The following EPHA6 variants were observed in gnomAD, a reference collection of about 807,000 sequenced individuals.
EPHA6 encodes EPH receptor A6.
A neutral mutation model predicts 112.0 loss-of-function variants in EPHA6; 50 were observed. The observed-to-expected ratio is 0.45, with a 90% confidence interval of 0.36 to 0.56. The LOEUF is 0.56. EPHA6 is among the 20% of genes least tolerant of loss of function. EPHA6 has a pLI of 0.00. For missense variants in EPHA6, 1,280 were observed against 1,417.4 expected (o/e 0.90, Z 1.56); for synonymous variants, 529 against 490.7 (o/e 1.08, Z -1.03).
chr3:96,987,186 C>T lies in EPHA6; in HGVS notation c.451-144C>T. 2 of 679,096 alleles carry T rather than the reference C, an allele frequency of 2.9e-6. 1 individual carries two copies. Among genetic ancestry groups the T allele is most frequent in the South Asian group, 4.3e-5 (2 of 46,638 alleles). 42.1% of individuals were successfully genotyped at this position (679,096 alleles called of 1,614,324 possible). A position where few individuals can be genotyped will look rare whatever the true frequency, so the allele number is the denominator to read the frequency against. On this transcript the variant is annotated intron_variant, in intron 2 of 17. Transcript: ENST00000389672. ...TAACTAAAGGCTCATGGTTAAAATGCTGTTCCATTGATACTTTGAGTAGCT... is the reference window on the plus strand; with the variant it reads ...TAACTAAAGGCTCATGGTTAAAATGTTGTTCCATTGATACTTTGAGTAGCT...
Position 97,493,858 on chromosome 3 carries a change from C to T in EPHA6, c.2200+9799C>T, listed in dbSNP as rs79474761. Reference sequence around the variant, plus strand: ...AACTATCTCGTGGTTACCACGTGTCCAGAGAGTGGTGGAGGCACAGGGAAA... The same window carrying T: ...AACTATCTCGTGGTTACCACGTGTCTAGAGAGTGGTGGAGGCACAGGGAAA... On this transcript the variant is annotated intron_variant, in intron 10 of 17. Coordinates refer to ENST00000389672, the MANE Select transcript of EPHA6 (RefSeq NM_001080448.3). Among the ~76,000 whole-genome samples the T allele has an allele frequency of 2.3e-4, 35 of 152,212 alleles. No individual in the cohort carries two copies. In the East Asian group the frequency reaches 6.6e-3, roughly 29 times the overall value.
At chr3:96,828,169 C>A (rs2033789094) in intron 1 of EPHA6, among the ~76,000 whole-genome samples, 2 of 151,936 alleles carry the variant, frequency 1.3e-5, no homozygotes, top group East Asian at 1.9e-4. Context: ...AAAAAAAGAT[C>A]TCCTAAACAT....
At chr3:97,224,419 C>T (rs942286862) in intron 3 of EPHA6, among the ~76,000 whole-genome samples, 1 of 152,088 alleles carries the variant, frequency 6.6e-6, no homozygotes. Flanking sequence ...ACAGAAAACA[C>T]GTCAGATAAG....
intron 14 of EPHA6, among the ~76,000 whole-genome samples, chr3:97,650,135 A>C (rs190972882): frequency 5.9e-5 from 9 of 152,238 alleles, no homozygotes; most frequent in Admixed American, 2.6e-4. Context: ...CAACACACAT[A>C]ACAAACGGGA....
At position 97,413,950 on chromosome 3, in the gene EPHA6, A is replaced by G. The variant is rs372905030; in HGVS notation, c.1731+8676A>G. On this transcript the variant is annotated intron_variant, in intron 6 of 17. Transcript: ENST00000389672. ...ACCGAGTCATATTCCCTGGAGACAA[A>G]TGCAAGATTTGTTCATTTCAGATGC... Among the ~76,000 whole-genome samples, 8 of 152,062 alleles carry G rather than the reference A, an allele frequency of 5.3e-5. No homozygotes were observed. The East Asian group carries it at 9.7e-4, about 18-fold the overall frequency.
At chr3:97,255,142 GGA>G (rs1474153253) in intron 5 of EPHA6, among the ~76,000 whole-genome samples, 1 of 109,234 alleles carries the variant, frequency 9.2e-6, no homozygotes, top group Non-Finnish European at 1.8e-5. Context: ...GGTACATCTT[GGA>G]TGTGTGTGTG....
At chr3:97,614,261 C>A (rs1049347609) in intron 13 of EPHA6, among the ~76,000 whole-genome samples, 2 of 151,580 alleles carry the variant, frequency 1.3e-5, no homozygotes, top group East Asian at 1.9e-4. Flanking sequence ...TTCAGTTATA[C>A]CAAAATATAA....
intron 2 of EPHA6, among the ~76,000 whole-genome samples, chr3:96,903,265 G>C (rs1227483626): frequency 6.6e-6 from 1 of 152,108 alleles, no homozygotes; most frequent in African/African-American, 2.4e-5. Flanking sequence ...CAGCATGGCT[G>C]GTGCAGAGGG....
chr3:97,405,377 C>A, intron 6 of EPHA6, 103 bp downstream of exon 6: 1 of 1,037,556 alleles, frequency 9.6e-7, no homozygotes, highest in Non-Finnish European at 1.4e-6. Flanking sequence ...AAACCCTGTT[C>A]TTCTTTGGCC....
intron 3 of EPHA6, among the ~76,000 whole-genome samples, chr3:97,215,016 C>T (rs2077992321): frequency 6.6e-6 from 1 of 152,166 alleles, no homozygotes; most frequent in Non-Finnish European, 1.5e-5. Context: ...ATATATTTTA[C>T]TGATAAGTCA....
intron 2 of EPHA6, among the ~76,000 whole-genome samples, chr3:96,921,989 G>GA (rs2039787640): frequency 6.6e-6 from 1 of 151,994 alleles, no homozygotes; most frequent in South Asian, 2.1e-4. Flanking sequence ...GAAGTTGATT[G>GA]AAACACATTA....
chr3:97,013,495 C>T (rs940081488), intron 3 of EPHA6, among the ~76,000 whole-genome samples: 1 of 151,978 alleles, frequency 6.6e-6, no homozygotes, highest in Non-Finnish European at 1.5e-5. Context: ...TTACTGTGTA[C>T]CCACTACGTC....
chr3:97,196,548 C>T (rs1391944482), intron 3 of EPHA6, among the ~76,000 whole-genome samples: 4 of 151,992 alleles, frequency 2.6e-5, no homozygotes, highest in Admixed American at 1.3e-4. Flanking sequence ...TTGTCAATGT[C>T]CAGGCATTGA....
intron 13 of EPHA6, among the ~76,000 whole-genome samples, chr3:97,619,738 T>C (rs755511809): frequency 3.9e-5 from 6 of 151,976 alleles, no homozygotes; most frequent in Non-Finnish European, 7.4e-5. Context: ...CAAGGAAAAC[T>C]ATAAACCACT....
rs563615898 is a variant in EPHA6 at position 97,136,545 on chromosome 3, C to T, written c.1115-89719C>T. ...CAGCCTAGGCAACACAGTGAGACCC[C>T]GTCTCTAGAAAAACAATTAAAGATA... On this transcript the variant is annotated intron_variant, in intron 3 of 17. Coordinates refer to ENST00000389672, the MANE Select transcript of EPHA6 (RefSeq NM_001080448.3). Among the ~76,000 whole-genome samples the T allele has an allele frequency of 2.6e-5, 4 of 151,864 alleles. No individual in the cohort carries two copies. The East Asian group carries it at 5.8e-4, about 22-fold the overall frequency.
At chr3:96,995,381 G>C (rs2107879927) in intron 3 of EPHA6, among the ~76,000 whole-genome samples, 1 of 152,126 alleles carries the variant, frequency 6.6e-6, no homozygotes, top group Admixed American at 6.6e-5. Context: ...ACTTTCTAAA[G>C]GTTCTCACAC....
intron 3 of EPHA6, among the ~76,000 whole-genome samples, chr3:97,009,262 G>A (rs552446570): frequency 2.6e-5 from 4 of 152,248 alleles, no homozygotes; most frequent in Non-Finnish European, 5.9e-5. Context: ...TTCCCCTAGG[G>A]GCTAAGGCCC....
chr3:97,159,765 G>T (rs2076370772), intron 3 of EPHA6, among the ~76,000 whole-genome samples: 1 of 152,196 alleles, frequency 6.6e-6, no homozygotes, highest in African/African-American at 2.4e-5. Flanking sequence ...TGCTGAGTGA[G>T]TTTTTGGTCA....
chr3:97,367,978 A>G (rs893212080), intron 5 of EPHA6, among the ~76,000 whole-genome samples: 6 of 152,164 alleles, frequency 3.9e-5, no homozygotes, highest in Non-Finnish European at 8.8e-5. Context: ...GTAACATAAC[A>G]CTACTTTCAT....
Sources: gnomAD v4.1 joint callset for allele counts (sites outside exome capture counted in the v4.1 genomes callset) on GRCh38, gnomAD v4.1.1 for gene constraint, MANE v1.5 for transcripts, NCBI Gene and HGNC (gene_info 2026-07-23, HGNC 2026-07-21) for gene names.